PALM2AKAP2: variants seen among roughly 807,000 people sequenced by gnomAD.
PALM2AKAP2 encodes the protein PALM2-AKAP2 fusion protein.
Under a neutral mutation model 71.5 loss-of-function variants are expected in PALM2AKAP2, and 37 were observed. The observed-to-expected ratio is 0.52, with a 90% CI of 0.40 to 0.68. PALM2AKAP2 has a LOEUF of 0.68. PALM2AKAP2 is among the 30% of genes least tolerant of loss of function. The pLI, the probability that PALM2AKAP2 is intolerant of heterozygous loss-of-function variation, is 0.00. For synonymous variants in PALM2AKAP2, 468 were observed against 478.8 expected (o/e 0.98, Z 0.29); for missense variants, 1,224 against 1,191.8 (o/e 1.03, Z -0.40).
intron 1 of PALM2AKAP2, among the ~76,000 whole-genome samples, chr9:109,858,774 G>A (rs535934577): frequency 6.6e-6 from 1 of 152,072 alleles, no homozygotes; most frequent in African/African-American, 2.4e-5. Flanking sequence ...CATAAAGCGG[G>A]TCTTACTTTC....
At chr9:109,810,187 G>A (rs531622419) in intron 1 of PALM2AKAP2, among the ~76,000 whole-genome samples, 18 of 152,254 alleles carry the variant, frequency 1.2e-4, no homozygotes, top group Admixed American at 8.5e-4. Context: ...CAAAAGAGAC[G>A]TCTGGGCTGG....
chr9:110,164,365 A>G (rs1007111590), intron 3 of PALM2AKAP2, among the ~76,000 whole-genome samples: 3 of 152,184 alleles, frequency 2.0e-5, no homozygotes, highest in African/African-American at 7.2e-5. Context: ...AAAATTTTCT[A>G]TATTGATTGC....
intron 1 of PALM2AKAP2, among the ~76,000 whole-genome samples, chr9:110,121,391 G>C (rs949684356): frequency 6.6e-6 from 1 of 152,220 alleles, no homozygotes; most frequent in Non-Finnish European, 1.5e-5. Context: ...GAGGAGGAAG[G>C]GCGGTTGTGA....
chr9:110,161,826 A>G (rs1200950568), intron 3 of PALM2AKAP2, among the ~76,000 whole-genome samples: 5 of 152,140 alleles, frequency 3.3e-5, no homozygotes, highest in Non-Finnish European at 7.3e-5. Context: ...TTCAAAGTAC[A>G]GAAACTGAAA....
At chr9:109,924,670 G>A (rs1830912144) in intron 4 of PALM2AKAP2, among the ~76,000 whole-genome samples, 1 of 152,026 alleles carries the variant, frequency 6.6e-6, no homozygotes, top group Non-Finnish European at 1.5e-5. Flanking sequence ...AAAGAGTAGA[G>A]TCCGTAAAAC....
intron 1 of PALM2AKAP2, among the ~76,000 whole-genome samples, chr9:109,687,984 C>T (rs1376272914): frequency 6.6e-6 from 1 of 152,152 alleles, no homozygotes; most frequent in Non-Finnish European, 1.5e-5. Context: ...AATGGTTGAT[C>T]AGTGGAGCAA....
chr9:109,649,845 GT>G (rs533751651), intron 1 of PALM2AKAP2, among the ~76,000 whole-genome samples: 170 of 152,310 alleles, frequency 1.1e-3, no homozygotes, highest in Non-Finnish European at 2.1e-3. Flanking sequence ...GTTCAAAAAA[GT>G]TGTGTAGAGA....
At chr9:110,040,624 G>A (rs1406954360) in intron 7 of PALM2AKAP2, among the ~76,000 whole-genome samples, 1 of 152,014 alleles carries the variant, frequency 6.6e-6, no homozygotes, top group Non-Finnish European at 1.5e-5. Context: ...AAGTTCTGAG[G>A]GAAACACTTG....
chr9:109,893,897 G>A lies in PALM2AKAP2; in HGVS notation c.257+13216G>A, dbSNP rs375535791. On this transcript the variant is annotated intron_variant, in intron 3 of 9. Coordinates refer to the PALM2AKAP2 transcript ENST00000302798. ...TAACACTTAGGTGGTGGGTTGATCT[G>A]TGCAGCAAGCCACCATGGTACATGT... 7.9e-5 allele frequency among the ~76,000 whole-genome samples: 12 copies of A among 152,234 alleles called. No homozygotes were observed. The East Asian group carries it at 1.5e-3, about 20-fold the overall frequency.
At chr9:109,812,269 G>A (rs1327785) in intron 1 of PALM2AKAP2, among the ~76,000 whole-genome samples, 26,923 of 152,128 alleles carry the variant, frequency 0.18, 2,795 homozygotes, top group East Asian at 0.35. Flanking sequence ...AGAACCATGA[G>A]GGAGGGACAA....
At chr9:109,958,708 A>C (rs1195839511) in intron 6 of PALM2AKAP2, among the ~76,000 whole-genome samples, 1 of 152,114 alleles carries the variant, frequency 6.6e-6, no homozygotes, top group Admixed American at 6.5e-5. Context: ...AGAGGAAGGA[A>C]GGAAGGAAAA....
chr9:109,930,384 C>A (rs956557330), intron 5 of PALM2AKAP2, among the ~76,000 whole-genome samples: 4 of 152,254 alleles, frequency 2.6e-5, no homozygotes, highest in South Asian at 2.1e-4. Flanking sequence ...TGCCACCATG[C>A]CCAGCTAATT....
intron 3 of PALM2AKAP2, among the ~76,000 whole-genome samples, chr9:109,916,223 G>C (rs919640880): frequency 3.3e-5 from 5 of 152,190 alleles, no homozygotes; most frequent in African/African-American, 1.2e-4. Context: ...GCTTTTGTAA[G>C]TAAGAAGGGC....
rs76667039 is a variant in PALM2AKAP2 at position 109,743,617 on chromosome 9, C to T, written c.6-36871C>T. Among the ~76,000 whole-genome samples the T allele has an allele frequency of 6.5e-4, 99 of 152,230 alleles. 3 individuals are homozygous for T. In the East Asian group the frequency reaches 0.018, roughly 27 times the overall value. Reference sequence around the variant, plus strand: ...GAATCAGTGAAAAAATTGTTGAAGACCCCAGGATGTCTATTTCAGGAACCA... The same window carrying T: ...GAATCAGTGAAAAAATTGTTGAAGATCCCAGGATGTCTATTTCAGGAACCA... On this transcript the variant is annotated intron_variant, in intron 1 of 6. Coordinates refer to the PALM2AKAP2 transcript ENST00000374531.
At chr9:110,170,767 A>G (rs1020330001) in exon 4 of PALM2AKAP2, 2 of 152,202 alleles carry the variant, frequency 1.3e-5, no homozygotes, top group Non-Finnish European at 2.9e-5. Flanking sequence ...AGAAGTCCTG[A>G]TGTGAAATGG....
At chr9:110,084,460 T>C (rs1384218093) in intron 1 of PALM2AKAP2, among the ~76,000 whole-genome samples, 1 of 152,154 alleles carries the variant, frequency 6.6e-6, no homozygotes, top group African/African-American at 2.4e-5. Context: ...TACCAAAAAT[T>C]ACCTAAAAGA....
At chr9:109,704,071 G>A (rs933054746) in intron 1 of PALM2AKAP2, among the ~76,000 whole-genome samples, 3 of 152,142 alleles carry the variant, frequency 2.0e-5, no homozygotes, top group Non-Finnish European at 4.4e-5. Flanking sequence ...GTGGTGAGGG[G>A]ACATCTCTGA....
chr9:110,000,351 T>G (rs1226882462), intron 6 of PALM2AKAP2, among the ~76,000 whole-genome samples: 1 of 152,250 alleles, frequency 6.6e-6, no homozygotes, highest in East Asian at 1.9e-4. Flanking sequence ...CTCATCATTT[T>G]TTATGGCTGT....
chr9:109,703,078 C>A (rs1377720747), intron 1 of PALM2AKAP2, among the ~76,000 whole-genome samples: 2 of 152,144 alleles, frequency 1.3e-5, no homozygotes, highest in African/African-American at 4.8e-5. Context: ...CTCGGCCTCT[C>A]AAAGTGCTGG....
Sources: gnomAD v4.1 joint callset for allele counts (sites outside exome capture counted in the v4.1 genomes callset) on GRCh38, gnomAD v4.1.1 for gene constraint, MANE v1.5 for transcripts, NCBI Gene and HGNC (gene_info 2026-07-23, HGNC 2026-07-21) for gene names.